Variants in CNTNAP4 observed in about 807,000 individuals in gnomAD.
The protein encoded by CNTNAP4 is contactin associated protein family member 4.
CNTNAP4 carries 98 observed loss-of-function variants against 148.4 expected under a neutral mutation model. That is an observed-to-expected ratio of 0.66 (90% CI 0.56 to 0.78). The LOEUF (loss-of-function observed/expected upper bound fraction) is 0.78. Among genes scored for constraint, CNTNAP4 ranks in the 30% least tolerant of loss-of-function variants. The probability of loss-of-function intolerance (pLI) is 0.00; values close to 1 mark genes in which losing one functional copy is unlikely to be tolerated. For missense variants in CNTNAP4, 1,935 were observed against 1,565.6 expected (o/e 1.24, Z -3.98); for synonymous variants, 730 against 565.1 (o/e 1.29, Z -4.14).
At chr16:76,491,030 GA>G (rs2082200126) in intron 13 of CNTNAP4, among the ~76,000 whole-genome samples, 1 of 152,162 alleles carries the variant, frequency 6.6e-6, no homozygotes, top group African/African-American at 2.4e-5. Flanking sequence ...CTGTCGTTCT[GA>G]CATTTGAACC....
At chr16:76,437,772 T>C (rs1290164812) in intron 4 of CNTNAP4, among the ~76,000 whole-genome samples, 2 of 151,950 alleles carry the variant, frequency 1.3e-5, no homozygotes, top group Non-Finnish European at 2.9e-5. Flanking sequence ...TTTTAGGTAA[T>C]AAATAAAAAT....
At chr16:76,400,846 T>A (rs957960034) in intron 3 of CNTNAP4, among the ~76,000 whole-genome samples, 7 of 152,140 alleles carry the variant, frequency 4.6e-5, no homozygotes, top group African/African-American at 1.4e-4. Context: ...ATCAGGTGGT[T>A]GTAGGTATGC....
intron 2 of CNTNAP4, among the ~76,000 whole-genome samples, chr16:76,321,982 C>T (rs554296099): frequency 6.6e-6 from 1 of 152,138 alleles, no homozygotes; most frequent in East Asian, 1.9e-4. Flanking sequence ...CCTGAGAGGT[C>T]CCATGACCAG....
chr16:76,294,133 T>C (rs913466968), intron 1 of CNTNAP4, among the ~76,000 whole-genome samples: 5 of 152,276 alleles, frequency 3.3e-5, no homozygotes, highest in Non-Finnish European at 5.9e-5. Flanking sequence ...AACAGCTACA[T>C]GTGAGTTTCT....
chr16:76,313,127 CTTT>C (rs981764034), intron 1 of CNTNAP4, among the ~76,000 whole-genome samples: 9 of 152,090 alleles, frequency 5.9e-5, no homozygotes, highest in African/African-American at 1.9e-4. Flanking sequence ...AGTTCCCCTT[CTTT>C]TGTTTTAATT....
chr16:76,305,857 A>G (rs1960426486), intron 1 of CNTNAP4, among the ~76,000 whole-genome samples: 1 of 152,068 alleles, frequency 6.6e-6, no homozygotes, highest in Non-Finnish European at 1.5e-5. Flanking sequence ...TCCCATGTTT[A>G]TGTCCATGTG....
chr16:76,500,327 A>G (rs963821194), intron 15 of CNTNAP4, among the ~76,000 whole-genome samples: 2 of 152,258 alleles, frequency 1.3e-5, no homozygotes, highest in African/African-American at 4.8e-5. Context: ...TCAGTCAACA[A>G]ATAAGTACTC....
intron 2 of CNTNAP4, among the ~76,000 whole-genome samples, chr16:76,333,612 A>G (rs557535800): frequency 3.3e-5 from 5 of 152,108 alleles, no homozygotes; most frequent in Admixed American, 2.6e-4. Context: ...GGCAGTTTCT[A>G]TTAATTTCTC....
chr16:76,392,880 T>G (rs2078076984), intron 3 of CNTNAP4, among the ~76,000 whole-genome samples: 2 of 152,202 alleles, frequency 1.3e-5, no homozygotes, highest in Admixed American at 6.5e-5. Context: ...TCGCTGCAGC[T>G]GCAGGAGGGA....
chr16:76,526,231 G>A (rs1219423309), intron 17 of CNTNAP4, among the ~76,000 whole-genome samples: 2 of 152,040 alleles, frequency 1.3e-5, no homozygotes, highest in Non-Finnish European at 2.9e-5. Flanking sequence ...TCCAGGCCAT[G>A]GCTCAAAGTG....
chr16:76,388,065 A>G (rs919234519), intron 3 of CNTNAP4, among the ~76,000 whole-genome samples: 1 of 152,238 alleles, frequency 6.6e-6, no homozygotes, highest in African/African-American at 2.4e-5. Flanking sequence ...GTATTTTACC[A>G]TCAGTCACTG....
At chr16:76,282,685 C>T (rs563647521) in intron 1 of CNTNAP4, among the ~76,000 whole-genome samples, 1 of 152,038 alleles carries the variant, frequency 6.6e-6, no homozygotes, top group East Asian at 1.9e-4. Context: ...AAGTGATTTT[C>T]ACTTACCCTT....
chr16:76,486,150 C>T (rs904817709), intron 12 of CNTNAP4, among the ~76,000 whole-genome samples: 2 of 152,292 alleles, frequency 1.3e-5, no homozygotes, highest in Non-Finnish European at 2.9e-5. Flanking sequence ...CCCAAACTAC[C>T]ATTCAATGGA....
chr16:76,484,934 A>G (rs964827366), intron 12 of CNTNAP4, among the ~76,000 whole-genome samples: 7 of 152,240 alleles, frequency 4.6e-5, no homozygotes, highest in Admixed American at 3.9e-4. Flanking sequence ...CACATGTATT[A>G]AAATACCTCT....
At chr16:76,425,833 AAGG>A (rs2079373595) in intron 3 of CNTNAP4, among the ~76,000 whole-genome samples, 1 of 152,170 alleles carries the variant, frequency 6.6e-6, no homozygotes, top group East Asian at 1.9e-4. Context: ...GTGTTTGAAT[AAGG>A]AGTTTAGATT....
chr16:76,518,764 C>A (rs1245426887), intron 15 of CNTNAP4, among the ~76,000 whole-genome samples: 1 of 152,162 alleles, frequency 6.6e-6, no homozygotes, highest in African/African-American at 2.4e-5. Context: ...CTGTAGTCAC[C>A]CCAGTCTGCT....
At chr16:76,511,199 C>G (rs1166696613) in intron 15 of CNTNAP4, among the ~76,000 whole-genome samples, 1 of 152,118 alleles carries the variant, frequency 6.6e-6, no homozygotes, top group Non-Finnish European at 1.5e-5. Context: ...TATTTCTTTT[C>G]AGGTAATTCA....
intron 2 of CNTNAP4, among the ~76,000 whole-genome samples, chr16:76,352,953 C>T (rs934574357): frequency 6.6e-6 from 1 of 152,194 alleles, no homozygotes; most frequent in Middle Eastern, 3.4e-3. Flanking sequence ...CCCCAAGACA[C>T]CAAGGGACCA....
intron 9 of CNTNAP4, among the ~76,000 whole-genome samples, chr16:76,465,403 G>T (rs981970919): frequency 3.9e-5 from 6 of 152,130 alleles, no homozygotes; most frequent in African/African-American, 1.4e-4. Flanking sequence ...CTAGGAATAT[G>T]AATTGCCTCA....
Sources: gnomAD v4.1 joint callset for allele counts (sites outside exome capture counted in the v4.1 genomes callset) on GRCh38, gnomAD v4.1.1 for gene constraint, MANE v1.5 for transcripts, NCBI Gene and HGNC (gene_info 2026-07-23, HGNC 2026-07-21) for gene names.